PSMA8: variants seen among roughly 807,000 people sequenced by gnomAD.
PSMA8 encodes proteasome 20S subunit alpha 8.
A neutral mutation model predicts 32.4 loss-of-function variants in PSMA8; 18 were observed. The ratio of observed to expected loss-of-function variants is 0.56; its 90% CI spans 0.38 to 0.82. The LOEUF is 0.82. Among genes scored for constraint, PSMA8 ranks in the 40% least tolerant of loss-of-function variants. The pLI is 0.00. For synonymous variants in PSMA8, 104 were observed against 98.1 expected (o/e 1.06, Z -0.36); for missense variants, 298 against 300.7 (o/e 0.99, Z 0.07).
At chr18:26,184,545 G>T (rs977048745) in intron 6 of PSMA8, among the ~76,000 whole-genome samples, 6 of 149,974 alleles carry the variant, frequency 4.0e-5, no homozygotes, top group Non-Finnish European at 7.4e-5. Context: ...GGCTGAGGCG[G>T]GTGGATCACC....
chr18:26,135,766 T>C (rs1313119680), intron 1 of PSMA8, among the ~76,000 whole-genome samples: 1 of 152,194 alleles, frequency 6.6e-6, no homozygotes, highest in Non-Finnish European at 1.5e-5. Context: ...AAGAGTGCTG[T>C]AGAACTGATT....
At chr18:26,161,365 G>A (rs1390024475) in intron 4 of PSMA8, among the ~76,000 whole-genome samples, 2 of 152,174 alleles carry the variant, frequency 1.3e-5, no homozygotes, top group Non-Finnish European at 2.9e-5. Context: ...GGATCTTATA[G>A]AACAGAACCC....
chr18:26,133,885 A>G lies in PSMA8; in HGVS notation c.-81A>G, dbSNP rs1344159796. 1.6e-6 allele frequency: 2 copies of G among 1,231,116 alleles called. No homozygotes were observed. Among genetic ancestry groups the G allele is most frequent in the African/African-American group, 1.5e-5 (1 of 67,314 alleles). 76.3% of individuals were successfully genotyped at this position (1,231,116 alleles called of 1,614,324 possible). A position where few individuals can be genotyped will look rare whatever the true frequency, so the allele number is the denominator to read the frequency against. On this transcript the variant is annotated 5_prime_UTR_variant, in exon 1 of 7. Transcript: ENST00000415576. The stretch of plus-strand genomic sequence containing the variant: ...TGTGGAAGCGCTTCCGGGCGGTAGC[A>G]CGCTGTGTTGGCGGCGGCTCCCCGC...
chr18:26,153,162 T>C (rs570683766), intron 3 of PSMA8, among the ~76,000 whole-genome samples: 214 of 152,278 alleles, frequency 1.4e-3, no homozygotes, highest in Non-Finnish European at 2.7e-3. Context: ...ATATGCAACA[T>C]TGTCTTTTTA....
intron 4 of PSMA8, among the ~76,000 whole-genome samples, chr18:26,164,177 C>T (rs907623080): frequency 2.6e-5 from 4 of 152,170 alleles, no homozygotes; most frequent in Non-Finnish European, 5.9e-5. Context: ...AAGGCTCATA[C>T]CTGTAATCCC....
chr18:26,148,255 A>G (rs2055019204), intron 2 of PSMA8, among the ~76,000 whole-genome samples: 1 of 152,112 alleles, frequency 6.6e-6, no homozygotes, highest in South Asian at 2.1e-4. Flanking sequence ...ATGAGCAGTG[A>G]GCAAAAATCC....
intron 4 of PSMA8, among the ~76,000 whole-genome samples, chr18:26,174,257 G>A (rs2055247237): frequency 1.3e-5 from 2 of 152,172 alleles, no homozygotes; most frequent in South Asian, 4.1e-4. Flanking sequence ...GACATTTAGT[G>A]GCAGGAATTG....
At chr18:26,170,668 TA>T in intron 4 of PSMA8, 2 of 1,225,444 alleles carry the variant, frequency 1.6e-6, no homozygotes, top group South Asian at 2.6e-5. Flanking sequence ...AATGTAAAAA[TA>T]CATACTTTTT....
chr18:26,149,288 C>T (rs1010043530), intron 2 of PSMA8, among the ~76,000 whole-genome samples: 1 of 152,156 alleles, frequency 6.6e-6, no homozygotes, highest in African/African-American at 2.4e-5. Flanking sequence ...AAATGCAAAA[C>T]ATTGCTGAAA....
intron 4 of PSMA8, among the ~76,000 whole-genome samples, chr18:26,164,651 A>G (rs1341531327): frequency 6.6e-6 from 1 of 152,244 alleles, no homozygotes; most frequent in East Asian, 1.9e-4. Flanking sequence ...AAATAAAGGC[A>G]TGGAAACTTT....
chr18:26,172,713 T>G (rs1444745966), intron 4 of PSMA8, among the ~76,000 whole-genome samples: 1 of 152,040 alleles, frequency 6.6e-6, no homozygotes, highest in Non-Finnish European at 1.5e-5. Context: ...CCTCTGTTGG[T>G]CACACATTGC....
chr18:26,159,707 T>C (rs2055120157), intron 4 of PSMA8, among the ~76,000 whole-genome samples: 1 of 152,048 alleles, frequency 6.6e-6, no homozygotes. Context: ...AATTATGGAA[T>C]TTTTTAGTTG....
chr18:26,186,305 A>G (rs927141101), intron 6 of PSMA8, among the ~76,000 whole-genome samples: 10 of 149,478 alleles, frequency 6.7e-5, no homozygotes, highest in African/African-American at 2.5e-4. Context: ...GAGCTACCCT[A>G]GTTCAAATTC....
At chr18:26,145,275 C>T (rs773705625) in intron 2 of PSMA8, among the ~76,000 whole-genome samples, 1 of 152,092 alleles carries the variant, frequency 6.6e-6, no homozygotes, top group African/African-American at 2.4e-5. Flanking sequence ...TGCATCACCA[C>T]ACCCGGCTAA....
chr18:26,186,092 A>C (rs11873475), intron 6 of PSMA8, among the ~76,000 whole-genome samples: 22,602 of 142,586 alleles, frequency 0.16, 3,309 homozygotes, highest in African/African-American at 0.33. Context: ...TACACACACA[A>C]AAAAAAATTA....
chr18:26,190,819 A>G (rs147847874), intron 6 of PSMA8, among the ~76,000 whole-genome samples: 1 of 152,304 alleles, frequency 6.6e-6, no homozygotes, highest in Non-Finnish European at 1.5e-5. Context: ...GTAATACCAC[A>G]TCACTTTATT....
chr18:26,189,514 C>T (rs984436838), intron 6 of PSMA8, among the ~76,000 whole-genome samples: 2 of 152,016 alleles, frequency 1.3e-5, no homozygotes, highest in Admixed American at 6.6e-5. Context: ...TCCTGGGCAA[C>T]AGAGCAAGAC....
At chr18:26,156,861 A>T (rs1169650706) in intron 3 of PSMA8, among the ~76,000 whole-genome samples, 1 of 151,178 alleles carries the variant, frequency 6.6e-6, no homozygotes, top group South Asian at 2.1e-4. Flanking sequence ...ATCTCGTCTC[A>T]CTGAAGCCTC....
At chr18:26,139,991 A>T (rs1234698887) in intron 1 of PSMA8, 1 of 698,170 alleles carries the variant, frequency 1.4e-6, no homozygotes, top group African/African-American at 1.8e-5. Flanking sequence ...TTACTTTTTA[A>T]TTCTTTGTCA....
Sources: gnomAD v4.1 joint callset for allele counts (sites outside exome capture counted in the v4.1 genomes callset) on GRCh38, gnomAD v4.1.1 for gene constraint, MANE v1.5 for transcripts, NCBI Gene and HGNC (gene_info 2026-07-23, HGNC 2026-07-21) for gene names.